The following KCNH7 variants were observed in gnomAD, a reference collection of about 807,000 sequenced individuals.
The protein encoded by KCNH7 is voltage-gated inwardly rectifying potassium channel KCNH7.
KCNH7 carries 49 observed loss-of-function variants against 120.8 expected under a neutral mutation model. The observed-to-expected ratio is 0.41, with a 90% CI of 0.32 to 0.51. The LOEUF is 0.51. Among genes scored for constraint, KCNH7 ranks in the 20% least tolerant of loss-of-function variants. The pLI, the probability that KCNH7 is intolerant of heterozygous loss-of-function variation, is 0.38. For synonymous variants in KCNH7, 547 were observed against 516.1 expected (o/e 1.06, Z -0.81); for missense variants, 1,097 against 1,446.6 (o/e 0.76, Z 3.92).
chr2:162,420,048 T>A (rs1687652882), intron 9 of KCNH7, among the ~76,000 whole-genome samples: 1 of 152,144 alleles, frequency 6.6e-6, no homozygotes, highest in South Asian at 2.1e-4. Context: ...TTTCAAATAC[T>A]TTTTGCTATT....
intron 6 of KCNH7, among the ~76,000 whole-genome samples, chr2:162,500,268 T>C (rs1050417636): frequency 2.8e-5 from 4 of 143,614 alleles, no homozygotes; most frequent in Admixed American, 1.4e-4. Flanking sequence ...GTATGTATTA[T>C]ATTCAGCACA....
At position 162,794,339 on chromosome 2, in the gene KCNH7, T is replaced by C. The variant is rs1684059805; in HGVS notation, c.307+42198A>G. On this transcript the variant is annotated intron_variant, in intron 2 of 15. Coordinates refer to ENST00000332142, the MANE Select transcript of KCNH7 (RefSeq NM_033272.4). ...CAGGAACTAACTCAGATGTATCGTA[T>C]ACCTGATAACTGAGCATGCAATCTA... Among the ~76,000 whole-genome samples, 3 of 151,926 alleles carry C rather than the reference T, an allele frequency of 2.0e-5. No homozygotes were observed. In the South Asian group the frequency reaches 6.2e-4, roughly 31 times the overall value.
At chr2:162,823,564 AG>A (rs140511810) in intron 2 of KCNH7, among the ~76,000 whole-genome samples, 8,337 of 152,290 alleles carry the variant, frequency 0.055, 309 homozygotes, top group South Asian at 0.11. Context: ...ATTAGTGGCA[AG>A]AAGGCCCTGC....
chr2:162,575,268 T>C (rs1012561040), intron 2 of KCNH7, among the ~76,000 whole-genome samples: 2 of 152,112 alleles, frequency 1.3e-5, no homozygotes, highest in Admixed American at 6.6e-5. Flanking sequence ...AGTAGAATAA[T>C]TGGCCTTCTG....
intron 2 of KCNH7, among the ~76,000 whole-genome samples, chr2:162,798,880 A>G (rs1363289038): frequency 6.6e-6 from 1 of 152,058 alleles, no homozygotes; most frequent in African/African-American, 2.4e-5. Context: ...AGAGTTCCCA[A>G]TTCAATAAGG....
At chr2:162,447,336 T>C (rs1239898397) in intron 6 of KCNH7, among the ~76,000 whole-genome samples, 3 of 152,104 alleles carry the variant, frequency 2.0e-5, no homozygotes, top group African/African-American at 7.2e-5. Context: ...TTTAGTGATT[T>C]AAGACTAAGT....
At chr2:162,704,699 C>G (rs1278696580) in intron 2 of KCNH7, among the ~76,000 whole-genome samples, 1 of 152,206 alleles carries the variant, frequency 6.6e-6, no homozygotes, top group African/African-American at 2.4e-5. Context: ...TCCAGGTTCC[C>G]TGCTGCTTTG....
At chr2:162,753,994 A>G (rs182694047) in intron 2 of KCNH7, among the ~76,000 whole-genome samples, 304 of 152,108 alleles carry the variant, frequency 2.0e-3, no homozygotes, top group African/African-American at 6.8e-3. Flanking sequence ...AATAATGTAT[A>G]TGAATTATGA....
chr2:162,757,521 GT>G (rs1177377059), intron 2 of KCNH7, among the ~76,000 whole-genome samples: 1 of 152,002 alleles, frequency 6.6e-6, no homozygotes, highest in Admixed American at 6.6e-5. Context: ...TGTTTGTAAG[GT>G]TAGCCATTTC....
chr2:162,409,349 A>G (rs1276151908), intron 9 of KCNH7, among the ~76,000 whole-genome samples: 1 of 151,946 alleles, frequency 6.6e-6, no homozygotes, highest in Non-Finnish European at 1.5e-5. Context: ...TCTTGATAAA[A>G]TGGAAATTAT....
At chr2:162,413,813 T>A (rs1573929315) in intron 9 of KCNH7, among the ~76,000 whole-genome samples, 1 of 151,796 alleles carries the variant, frequency 6.6e-6, no homozygotes, top group East Asian at 1.9e-4. Flanking sequence ...CTATTTTGTA[T>A]CCAAAATAGT....
intron 3 of KCNH7, among the ~76,000 whole-genome samples, chr2:162,530,491 C>A (rs1025150350): frequency 6.6e-6 from 1 of 151,960 alleles, no homozygotes; most frequent in Non-Finnish European, 1.5e-5. Flanking sequence ...CACACACACA[C>A]ACAATTACAA....
intron 2 of KCNH7, among the ~76,000 whole-genome samples, chr2:162,725,169 A>G (rs1687470679): frequency 6.6e-6 from 1 of 152,188 alleles, no homozygotes; most frequent in Non-Finnish European, 1.5e-5. Flanking sequence ...TAATGCAAAC[A>G]CAAATTTGTT....
At chr2:162,737,725 A>C (rs1687966675) in intron 2 of KCNH7, among the ~76,000 whole-genome samples, 1 of 152,140 alleles carries the variant, frequency 6.6e-6, no homozygotes, top group South Asian at 2.1e-4. Context: ...CCCTGCTGTA[A>C]GGTAAAGTGG....
At chr2:162,489,523 C>T (rs1574020597) in intron 6 of KCNH7, among the ~76,000 whole-genome samples, 1 of 152,208 alleles carries the variant, frequency 6.6e-6, no homozygotes, top group African/African-American at 2.4e-5. Context: ...TTTATTTGAC[C>T]AGAGACGACT....
intron 2 of KCNH7, among the ~76,000 whole-genome samples, chr2:162,662,462 T>C (rs1292912546): frequency 6.6e-6 from 1 of 152,202 alleles, no homozygotes; most frequent in Non-Finnish European, 1.5e-5. Context: ...TACAGACAGA[T>C]ACCTGAAATA....
chr2:162,498,174 C>CA (rs948521928), intron 6 of KCNH7, among the ~76,000 whole-genome samples: 3 of 151,984 alleles, frequency 2.0e-5, no homozygotes, highest in Non-Finnish European at 4.4e-5. Context: ...CTGATTATCT[C>CA]AAAATGGGTT....
intron 2 of KCNH7, among the ~76,000 whole-genome samples, chr2:162,794,021 T>C (rs1265022139): frequency 2.0e-5 from 3 of 152,070 alleles, no homozygotes; most frequent in South Asian, 2.1e-4. Flanking sequence ...TATACATGTA[T>C]CAATACATCA....
intron 7 of KCNH7, among the ~76,000 whole-genome samples, chr2:162,438,309 T>C (rs1411657013): frequency 6.6e-6 from 1 of 152,136 alleles, no homozygotes; most frequent in Admixed American, 6.6e-5. Flanking sequence ...CTTTTTGCCT[T>C]CCTTCCAAAG....
Sources: allele counts gnomAD v4.1 joint callset (sites outside exome capture counted in the v4.1 genomes callset), GRCh38; gene constraint gnomAD v4.1.1; transcripts MANE v1.5; gene names NCBI Gene and HGNC (gene_info 2026-07-23, HGNC 2026-07-21).